Variants in TYW1 observed in about 807,000 individuals in gnomAD.
TYW1 encodes S-adenosyl-L-methionine-dependent tRNA 4-demethylwyosine synthase TYW1.
Under a neutral mutation model 96.2 loss-of-function variants are expected in TYW1, and 46 were observed. The ratio of observed to expected loss-of-function variants is 0.48; its 90% confidence interval spans 0.38 to 0.61. The LOEUF (loss-of-function observed/expected upper bound fraction) is 0.61, where lower values mean the gene tolerates loss of function less well. TYW1 is among the 20% of genes least tolerant of loss of function. The pLI is 0.00. For synonymous variants in TYW1, 274 were observed against 323.0 expected (o/e 0.85, Z 1.63); for missense variants, 684 against 909.6 (o/e 0.75, Z 3.19).
chr7:66,998,021 A>G (rs1562958218), intron 1 of TYW1, 44 bp from the exon 2 acceptor site: 2 of 1,542,918 alleles, frequency 1.3e-6, no homozygotes, highest in Admixed American at 2.2e-5. Context: ...ATATCTTTGT[A>G]TATGTAGCTT....
chr7:67,071,781 C>T (rs554824186), intron 10 of TYW1, among the ~76,000 whole-genome samples: 17 of 152,190 alleles, frequency 1.1e-4, no homozygotes, highest in African/African-American at 3.4e-4. Context: ...CCACCACACC[C>T]GGCTAATTTT....
intron 6 of TYW1, among the ~76,000 whole-genome samples, chr7:67,021,631 T>C (rs191580036): frequency 5.9e-5 from 9 of 152,310 alleles, no homozygotes; most frequent in East Asian, 3.9e-4. Context: ...TCTTACTGGA[T>C]TGGAATCTTT....
chr7:67,033,903 C>T (rs1794749185), intron 7 of TYW1, among the ~76,000 whole-genome samples: 1 of 151,754 alleles, frequency 6.6e-6, no homozygotes, highest in Admixed American at 6.6e-5. Context: ...CCATCTTGGC[C>T]AGGCTGGTCT....
intron 12 of TYW1, among the ~76,000 whole-genome samples, chr7:67,099,949 C>G (rs944760128): frequency 6.6e-6 from 1 of 152,024 alleles, no homozygotes; most frequent in Admixed American, 6.6e-5. Context: ...TTTCAGTGAG[C>G]CGAGATCGCA....
intron 13 of TYW1, among the ~76,000 whole-genome samples, chr7:67,118,634 C>T (rs2115984063): frequency 6.6e-6 from 1 of 151,986 alleles, no homozygotes; most frequent in East Asian, 1.9e-4. Context: ...GTAGCTCACA[C>T]CTGTAATCCC....
rs1187501554 is a variant in TYW1 at position 67,184,655 on chromosome 7, TATGTTA to T, written c.1809+1420_1809+1425del. Among the ~76,000 whole-genome samples the T allele has an allele frequency of 3.9e-5, 2 of 51,208 alleles. 1 individual carries two copies. Among genetic ancestry groups the T allele is most frequent in the African/African-American group, 2.3e-4 (2 of 8,826 alleles). 33.6% of individuals were successfully genotyped at this position (51,208 alleles called of 152,430 possible). A position where few individuals can be genotyped will look rare whatever the true frequency, so the allele number is the denominator to read the frequency against. On this transcript the variant is annotated intron_variant, in intron 14 of 15. Coordinates refer to ENST00000359626, the MANE Select transcript of TYW1 (RefSeq NM_018264.4). ...TTATTTTATTTTATTTTATTTATGT[TATGTTA>T]TGTTATGTTATGTTATGTTATGTTA... is the stretch of plus-strand genomic sequence containing the variant.
intron 15 of TYW1, among the ~76,000 whole-genome samples, chr7:67,208,295 T>G (rs1327020571): frequency 6.6e-6 from 1 of 151,638 alleles, no homozygotes; most frequent in Non-Finnish European, 1.5e-5. Flanking sequence ...CACCCCAGCC[T>G]GGGGAACAGA....
chr7:67,008,151 C>A (rs1248939224), intron 3 of TYW1, among the ~76,000 whole-genome samples: 1 of 152,028 alleles, frequency 6.6e-6, no homozygotes, highest in Non-Finnish European at 1.5e-5. Flanking sequence ...AACTCAGGAA[C>A]GGCCGAATGG....
intron 15 of TYW1, among the ~76,000 whole-genome samples, chr7:67,228,907 G>A (rs1801650784): frequency 6.6e-6 from 1 of 152,220 alleles, no homozygotes; most frequent in South Asian, 2.1e-4. Flanking sequence ...GAAGTTACAA[G>A]GGAAACCGAT....
chr7:67,227,991 G>A (rs1363999984), intron 15 of TYW1, among the ~76,000 whole-genome samples: 5 of 152,120 alleles, frequency 3.3e-5, no homozygotes, highest in South Asian at 2.1e-4. Flanking sequence ...GTGGTCTTGC[G>A]GGCCGCTGAA....
rs367640280 is a variant in TYW1 at position 67,036,000 on chromosome 7, G to A, written c.984+10978G>A. Among the ~76,000 whole-genome samples, 7 of 149,998 alleles carry A rather than the reference G, an allele frequency of 4.7e-5. No individual in the cohort carries two copies. The East Asian group carries it at 9.7e-4, about 21-fold the overall frequency. On this transcript the variant is annotated intron_variant, in intron 7 of 15. Transcript: ENST00000359626. ...CCGGTTCTATTGTTCTTAAGTCCAA[G>A]GCTCCCATTGTCCTCAGATCAGAAT...
In TYW1 at chr7:67,024,919, G is replaced by A. The variant is rs1417546317; in HGVS notation, c.881G>A (p.Ser294Asn). 6.2e-7 allele frequency: 1 copy of A among 1,613,734 alleles called. No individual in the cohort carries two copies. The highest frequency in any genetic ancestry group is 8.5e-7 in the Non-Finnish European group (1 of 1,179,834). ...TTCCAGGAGGAAGAACCCTTTGAGA[G>A]CTCCAGTGAAGAAGAGTTTGGTGGT... Reference protein sequence around the residue: ...RDTEEEEPFESSSEEEFGGED... With the variant: ...RDTEEEEPFENSSEEEFGGED... The change falls in exon 7 of 16, where the codon AGC (serine) becomes AAC (asparagine). Residue 294 changes from serine (S) to asparagine (N), a missense_variant. Transcript: ENST00000359626.
intron 15 of TYW1, among the ~76,000 whole-genome samples, chr7:67,219,618 T>C (rs1375113581): frequency 6.6e-6 from 1 of 152,206 alleles, no homozygotes; most frequent in East Asian, 1.9e-4. Flanking sequence ...TCTTGGTAGA[T>C]TTCATGTTTC....
intron 5 of TYW1, among the ~76,000 whole-genome samples, chr7:67,016,776 C>T (rs1013686617): frequency 4.6e-5 from 7 of 151,910 alleles, no homozygotes; most frequent in African/African-American, 1.7e-4. Context: ...CACAGGCGCC[C>T]ACCACACATC....
chr7:67,060,504 T>A (rs922971011), intron 9 of TYW1, among the ~76,000 whole-genome samples: 10 of 152,270 alleles, frequency 6.6e-5, no homozygotes, highest in African/African-American at 2.4e-4. Context: ...CCATAGGGAA[T>A]TAGAAGAGAC....
chr7:67,103,491 C>A (rs1797153036), intron 12 of TYW1, among the ~76,000 whole-genome samples: 1 of 152,148 alleles, frequency 6.6e-6, no homozygotes, highest in South Asian at 2.1e-4. Context: ...AATAGTGAAA[C>A]AAGATAGTCT....
At chr7:67,024,133 A>G (rs1266209049) in intron 6 of TYW1, among the ~76,000 whole-genome samples, 1 of 152,102 alleles carries the variant, frequency 6.6e-6, no homozygotes, top group African/African-American at 2.4e-5. Flanking sequence ...TTCCCACTCC[A>G]TCATGCCCTT....
chr7:67,135,457 A>C (rs1375875300), intron 13 of TYW1, among the ~76,000 whole-genome samples: 1 of 151,750 alleles, frequency 6.6e-6, no homozygotes, highest in Non-Finnish European at 1.5e-5. Context: ...GGCACATGCC[A>C]CCACACTGGC....
At chr7:67,011,805 G>A (rs185720014) in intron 4 of TYW1, among the ~76,000 whole-genome samples, 3 of 151,668 alleles carry the variant, frequency 2.0e-5, no homozygotes, top group Admixed American at 6.6e-5. Flanking sequence ...CCTGGGAGGC[G>A]GAGGTCGCAG....
Sources: gnomAD v4.1 joint callset for allele counts (sites outside exome capture counted in the v4.1 genomes callset) on GRCh38, gnomAD v4.1.1 for gene constraint, MANE v1.5 for transcripts, NCBI Gene and HGNC (gene_info 2026-07-23, HGNC 2026-07-21) for gene names.